Variants in CAMTA1 observed in about 807,000 individuals in gnomAD.
The protein encoded by CAMTA1 is calmodulin-binding transcription activator 1.
CAMTA1 carries 27 observed loss-of-function variants against 170.9 expected under a neutral mutation model. That is an observed-to-expected ratio of 0.16 (90% CI 0.12 to 0.22). The LOEUF is 0.22. Ranked by LOEUF, CAMTA1 falls within the 10% of genes least tolerant of loss-of-function variation. CAMTA1 has a pLI of 1.00. For synonymous variants in CAMTA1, 833 were observed against 891.5 expected (o/e 0.93, Z 1.17); for missense variants, 1,619 against 2,217.2 (o/e 0.73, Z 5.42).
chr1:7,317,974 A>G (rs1225303100), intron 5 of CAMTA1, among the ~76,000 whole-genome samples: 1 of 151,942 alleles, frequency 6.6e-6, no homozygotes, highest in East Asian at 1.9e-4. Context: ...CCTTCCTACC[A>G]CCCAGGCTCT....
At chr1:7,196,806 A>C (rs1044330046) in intron 4 of CAMTA1, among the ~76,000 whole-genome samples, 1 of 152,232 alleles carries the variant, frequency 6.6e-6, no homozygotes, top group Non-Finnish European at 1.5e-5. Flanking sequence ...CATTATGACC[A>C]GGAATTATTC....
intron 5 of CAMTA1, among the ~76,000 whole-genome samples, chr1:7,451,792 T>C (rs1406396129): frequency 6.6e-6 from 1 of 152,124 alleles, no homozygotes; most frequent in Non-Finnish European, 1.5e-5. Flanking sequence ...GGCTATTGGC[T>C]CCCTGCCCTC....
At chr1:7,246,373 GC>G (rs1273252504) in intron 4 of CAMTA1, among the ~76,000 whole-genome samples, 1 of 152,092 alleles carries the variant, frequency 6.6e-6, no homozygotes, top group Non-Finnish European at 1.5e-5. Flanking sequence ...CAAGTGGCGT[GC>G]CCCACTGGTA....
At chr1:6,825,329 A>G (rs1490271573) in intron 3 of CAMTA1, 119 bp downstream of exon 3, 1 of 579,016 alleles carries the variant, frequency 1.7e-6, no homozygotes, top group Non-Finnish European at 3.1e-6. Context: ...GGAAATTGTA[A>G]ATGACATTAT....
At chr1:7,051,978 G>C (rs1022493971) in intron 3 of CAMTA1, among the ~76,000 whole-genome samples, 2 of 151,908 alleles carry the variant, frequency 1.3e-5, no homozygotes, top group Non-Finnish European at 2.9e-5. Context: ...TCCGCTCAGG[G>C]GCTCTGGCTC....
chr1:7,598,840 C>T (rs889669864), intron 6 of CAMTA1, among the ~76,000 whole-genome samples: 1 of 151,916 alleles, frequency 6.6e-6, no homozygotes, highest in Non-Finnish European at 1.5e-5. Context: ...TGGATATTAG[C>T]CCTTTGTCAG....
intron 11 of CAMTA1, among the ~76,000 whole-genome samples, chr1:7,713,619 T>G (rs1479175323): frequency 6.6e-6 from 1 of 152,242 alleles, no homozygotes. Flanking sequence ...CATTTTGTGT[T>G]TGCTGATCAA....
At chr1:7,397,792 G>C (rs1177445165) in intron 5 of CAMTA1, among the ~76,000 whole-genome samples, 1 of 151,832 alleles carries the variant, frequency 6.6e-6, no homozygotes, top group East Asian at 1.9e-4. Flanking sequence ...GGCTTCCAAA[G>C]TTTCTCCTGT....
At chr1:7,706,396 A>G (rs2096525590) in intron 11 of CAMTA1, among the ~76,000 whole-genome samples, 14 of 152,214 alleles carry the variant, frequency 9.2e-5, no homozygotes, top group Admixed American at 9.2e-4. Context: ...TATTACATAC[A>G]AGGAGTCTTT....
intron 3 of CAMTA1, among the ~76,000 whole-genome samples, chr1:7,018,550 C>T (rs1231650621): frequency 2.6e-5 from 4 of 152,106 alleles, no homozygotes; most frequent in African/African-American, 9.7e-5. Context: ...ATCCTCTCTC[C>T]CGCTTCTCCT....
At position 7,044,336 on chromosome 1, in the gene CAMTA1, C is replaced by T. The variant is rs1167949878; in HGVS notation, c.235-46968C>T. On this transcript the variant is annotated intron_variant, in intron 3 of 22. Coordinates refer to ENST00000303635, the MANE Select transcript of CAMTA1 (RefSeq NM_015215.4). The surrounding 1 kb of genome is among the most constrained non-coding windows in gnomAD (Gnocchi z 5.0). ...AGACGCAGAGCAGTGCCGCTGGGGACCCCGGGGACTCAGAGCAGTGCCGCT... is the reference window on the plus strand; with the variant it reads ...AGACGCAGAGCAGTGCCGCTGGGGATCCCGGGGACTCAGAGCAGTGCCGCT... Among the ~76,000 whole-genome samples, 1 of 152,040 alleles carries T rather than the reference C, an allele frequency of 6.6e-6. No homozygotes were observed. The highest frequency in any genetic ancestry group is 2.4e-5 in the African/African-American group (1 of 41,420).
At chr1:7,292,009 A>C (rs1040403572) in intron 5 of CAMTA1, among the ~76,000 whole-genome samples, 1 of 152,208 alleles carries the variant, frequency 6.6e-6, no homozygotes, top group Admixed American at 6.5e-5. Flanking sequence ...GCTGGGTGCA[A>C]ACATACTCTG....
chr1:7,638,517 G>A (rs1025104390), intron 6 of CAMTA1, among the ~76,000 whole-genome samples: 5 of 152,040 alleles, frequency 3.3e-5, no homozygotes, highest in Middle Eastern at 3.4e-3. Flanking sequence ...TGGCGTGCAC[G>A]TGTAATCCCA....
rs936689554 is a variant in CAMTA1 at position 7,026,132 on chromosome 1, A to T, written c.235-65172A>T. ...GAGACCCTGCCTTAAAAAAAAAAAA[A>T]AGAAACAAAAAGATTTGGCCAAGAG... On this transcript the variant is annotated intron_variant, in intron 3 of 22. Coordinates refer to ENST00000303635, the MANE Select transcript of CAMTA1 (RefSeq NM_015215.4). 3.3e-5 allele frequency among the ~76,000 whole-genome samples: 5 copies of T among 152,160 alleles called. No individual in the cohort carries two copies. The South Asian group carries it at 1.0e-3, about 32-fold the overall frequency.
chr1:7,499,522 T>A (rs2093934852), intron 6 of CAMTA1, among the ~76,000 whole-genome samples: 1 of 111,294 alleles, frequency 9.0e-6, no homozygotes, highest in Non-Finnish European at 1.8e-5. Context: ...CATGTGTATG[T>A]ATATGAGTGT....
chr1:7,053,768 A>G (rs1252216050), intron 3 of CAMTA1, among the ~76,000 whole-genome samples: 1 of 152,118 alleles, frequency 6.6e-6, no homozygotes, highest in Non-Finnish European at 1.5e-5. Flanking sequence ...AGGAATTTTT[A>G]GGTTTTACTG....
chr1:7,409,683 G>T (rs186619681), intron 5 of CAMTA1, among the ~76,000 whole-genome samples: 4 of 152,190 alleles, frequency 2.6e-5, no homozygotes. Flanking sequence ...GCTCAGAGAA[G>T]CTAATTCTGC....
chr1:7,342,973 G>C (rs992007763), intron 5 of CAMTA1, among the ~76,000 whole-genome samples: 4 of 152,190 alleles, frequency 2.6e-5, no homozygotes, highest in African/African-American at 4.8e-5. Flanking sequence ...TCTGCAATCA[G>C]TGGGCACCAG....
chr1:7,447,431 G>A (rs1358052839), intron 5 of CAMTA1, among the ~76,000 whole-genome samples: 1 of 151,190 alleles, frequency 6.6e-6, no homozygotes, highest in Non-Finnish European at 1.5e-5. Flanking sequence ...GGGCGGGGTG[G>A]GGGGTGAGGG....
Sources: allele counts gnomAD v4.1 joint callset (sites outside exome capture counted in the v4.1 genomes callset), GRCh38; gene constraint gnomAD v4.1.1; non-coding constraint Gnocchi (gnomAD v3.1); transcripts MANE v1.5; gene names NCBI Gene and HGNC (gene_info 2026-07-23, HGNC 2026-07-21).